The following VAV2 variants were observed in gnomAD, a reference collection of about 807,000 sequenced individuals.
The protein encoded by VAV2 is guanine nucleotide exchange factor VAV2.
In VAV2, 67 loss-of-function variants were observed where a neutral mutation model predicts 132.5. The observed-to-expected ratio is 0.51, with a 90% CI of 0.42 to 0.62. VAV2 has a LOEUF of 0.62. Ranked by LOEUF, VAV2 falls within the 20% of genes least tolerant of loss-of-function variation. VAV2 has a pLI of 0.00. For missense variants in VAV2, 938 were observed against 1,153.6 expected (o/e 0.81, Z 2.71); for synonymous variants, 492 against 443.5 (o/e 1.11, Z -1.37).
At chr9:133,786,544 C>T (rs1834233982) in intron 16 of VAV2, among the ~76,000 whole-genome samples, 1 of 152,236 alleles carries the variant, frequency 6.6e-6, no homozygotes, top group Non-Finnish European at 1.5e-5. Flanking sequence ...GGCCCCTCCA[C>T]GAGGCCTGAC....
At chr9:133,867,184 A>G (rs920675136) in intron 2 of VAV2, among the ~76,000 whole-genome samples, 2 of 146,320 alleles carry the variant, frequency 1.4e-5, no homozygotes, top group Admixed American at 6.7e-5. Flanking sequence ...GCGTCTGTCC[A>G]CATAGGGTCC....
intron 1 of VAV2, among the ~76,000 whole-genome samples, chr9:133,951,065 C>T (rs919359769): frequency 2.0e-5 from 3 of 152,220 alleles, no homozygotes; most frequent in African/African-American, 2.4e-5. Flanking sequence ...TTATCCCTTC[C>T]TGCTGGGCTA....
rs1037285396 is a variant in VAV2, at chr9:133,833,517, C to A, written c.449+755G>T. On this transcript the variant is annotated intron_variant, in intron 4 of 29. Transcript: ENST00000371850. The surrounding 1 kb of genome is among the most constrained non-coding windows in gnomAD (Gnocchi z 5.6). ...CCCGAAGGCACCATCTCCCGGTGGC[C>A]TGGGAGGGTGGTGGATGAGCCAGGC... 1.3e-5 allele frequency among the ~76,000 whole-genome samples: 2 copies of A among 152,168 alleles called. No individual in the cohort carries two copies. Among genetic ancestry groups the A allele is most frequent in the African/African-American group, 4.8e-5 (2 of 41,448 alleles).
intron 1 of VAV2, among the ~76,000 whole-genome samples, chr9:133,945,679 AG>A (rs1311651792): frequency 6.6e-6 from 1 of 152,170 alleles, no homozygotes; most frequent in African/African-American, 2.4e-5. Flanking sequence ...CTGCAGGGAA[AG>A]CCCCAAGCTG....
At position 133,992,199 on chromosome 9, in the gene VAV2, G is replaced by A. The variant is rs1177442941; in HGVS notation, c.80C>T (p.Ser27Leu). The change falls in exon 1 of 30, where the codon TCG becomes TTG. Residue 27 changes from serine (S) to leucine (L), a missense_variant. Transcript: ENST00000371850. The surrounding 1 kb of genome is among the most constrained non-coding windows in gnomAD (Gnocchi z 5.5). ...CTGCGCCAGGTCGAAGACCACGGCCGAGGGCCACACCACCCGGTGGTTGGG... is the reference window on the plus strand; with the variant it reads ...CTGCGCCAGGTCGAAGACCACGGCCAAGGGCCACACCACCCGGTGGTTGGG... ...LPPNHRVVWP[S>L]AVVFDLAQAL... 3 of 1,597,734 alleles carry A rather than the reference G, an allele frequency of 1.9e-6. No individual in the cohort carries two copies. Among genetic ancestry groups the A allele is most frequent in the South Asian group, 2.2e-5 (2 of 89,394 alleles).
intron 3 of VAV2, among the ~76,000 whole-genome samples, chr9:133,856,683 C>T (rs559262650): frequency 3.9e-5 from 6 of 152,252 alleles, no homozygotes; most frequent in African/African-American, 1.2e-4. Context: ...TAGGGGCTGG[C>T]GTCAAGGTAT....
chr9:133,764,069 A>C lies in VAV2; in HGVS notation c.2630T>G (p.Ile877Ser), dbSNP rs748565136. ...FPSTYVEEEG[I>S]Q The stretch of plus-strand genomic sequence containing the variant: ...TTGTCCACGTTCCTGCCGTCACTGG[A>C]TGCCCTCCTCTTCTACGTACGTTGA... Residue 877 changes from isoleucine to serine, a missense_variant, in exon 30 of 30, where the codon ATC becomes AGC. By Grantham distance (142) the Ile-to-Ser change is moderately radical. Transcript: ENST00000371850. The C allele has an allele frequency of 6.2e-7, 1 of 1,613,982 alleles. No individual in the cohort carries two copies. Among genetic ancestry groups the C allele is most frequent in the East Asian group, 2.2e-5 (1 of 44,872 alleles).
At chr9:133,968,102 A>G (rs1287434554) in intron 1 of VAV2, among the ~76,000 whole-genome samples, 1 of 152,154 alleles carries the variant, frequency 6.6e-6, no homozygotes, top group Non-Finnish European at 1.5e-5. Context: ...CAAACATGCA[A>G]TTAGACAGGA....
chr9:133,779,945 A>G lies in VAV2; in HGVS notation c.1741-6T>C. Reference sequence around the variant, plus strand: ...GGTCCCGCTCCGGAGGCGTCCTGTGAGGACAAGGACAGAACACAGAGATGA... The same window carrying G: ...GGTCCCGCTCCGGAGGCGTCCTGTGGGGACAAGGACAGAACACAGAGATGA... On this transcript the variant is annotated splice_region_variant and splice_polypyrimidine_tract_variant and intron_variant, in intron 20 of 29. Transcript: ENST00000371850. The G allele has an allele frequency of 6.2e-7, 1 of 1,612,544 alleles. No individual in the cohort carries two copies. The highest frequency in any genetic ancestry group is 1.1e-5 in the South Asian group (1 of 90,912).
At chr9:133,979,771 G>A (rs922663791) in intron 1 of VAV2, among the ~76,000 whole-genome samples, 3 of 152,220 alleles carry the variant, frequency 2.0e-5, no homozygotes, top group African/African-American at 7.2e-5. Context: ...TCACTCAGCT[G>A]AAACGGCATT....
chr9:133,910,010 G>A (rs1443245995), intron 2 of VAV2, among the ~76,000 whole-genome samples: 1 of 152,068 alleles, frequency 6.6e-6, no homozygotes, highest in South Asian at 2.1e-4. Context: ...CGAGCCACAC[G>A]AGCTATGCCA....
chr9:133,835,729 C>G (rs1411342137), intron 3 of VAV2, among the ~76,000 whole-genome samples: 1 of 152,180 alleles, frequency 6.6e-6, no homozygotes, highest in East Asian at 1.9e-4. Flanking sequence ...GTCCCGGCAG[C>G]CCCGCCCCAA....
chr9:133,889,972 C>T (rs1838866022), intron 2 of VAV2, among the ~76,000 whole-genome samples: 1 of 152,212 alleles, frequency 6.6e-6, no homozygotes, highest in Admixed American at 6.5e-5. Context: ...CCACGAATTA[C>T]TGTCTCTGCA....
intron 3 of VAV2, among the ~76,000 whole-genome samples, chr9:133,845,971 G>C (rs1272878267): frequency 6.6e-6 from 1 of 152,216 alleles, no homozygotes. Flanking sequence ...GTGGAGTCTT[G>C]GAGCAGGGTT....
chr9:133,968,686 G>A (rs924930613), intron 1 of VAV2, among the ~76,000 whole-genome samples: 3 of 152,140 alleles, frequency 2.0e-5, no homozygotes, highest in Non-Finnish European at 4.4e-5. Flanking sequence ...TTGTAGCCGG[G>A]AGAGAGAGCC....
chr9:133,886,974 G>A (rs569721864), intron 2 of VAV2, among the ~76,000 whole-genome samples: 2 of 152,212 alleles, frequency 1.3e-5, no homozygotes, highest in South Asian at 2.1e-4. Context: ...TCCCATGGGG[G>A]AGGGAAGCCA....
chr9:133,989,333 C>A (rs1328529991), intron 1 of VAV2, among the ~76,000 whole-genome samples: 3 of 124,630 alleles, frequency 2.4e-5, no homozygotes, highest in African/African-American at 9.2e-5. Context: ...GAGCAAAACT[C>A]CATCTCAAAA....
In VAV2 at chr9:133,769,827, C is replaced by T. The variant is rs768352028; in HGVS notation, c.2348-324G>A. 1.3e-5 allele frequency among the ~76,000 whole-genome samples: 2 copies of T among 152,194 alleles called. No homozygotes were observed. Among genetic ancestry groups the T allele is most frequent in the Non-Finnish European group, 2.9e-5 (2 of 68,016 alleles). On this transcript the variant is annotated intron_variant, in intron 27 of 29. Coordinates refer to ENST00000371850, the MANE Select transcript of VAV2 (RefSeq NM_001134398.2). The surrounding 1 kb of genome is among the most constrained non-coding windows in gnomAD (Gnocchi z 8.1). ...CCAGCTGTTCCTCTCCTGTCCAGCTCGGCCTGTGTGAGACCCATGGCCCTG... is the reference window on the plus strand; with the variant it reads ...CCAGCTGTTCCTCTCCTGTCCAGCTTGGCCTGTGTGAGACCCATGGCCCTG...
intron 1 of VAV2, among the ~76,000 whole-genome samples, chr9:133,978,611 T>G (rs763338107): frequency 6.6e-6 from 1 of 152,204 alleles, no homozygotes; most frequent in Non-Finnish European, 1.5e-5. Context: ...GAATGATTTG[T>G]CTTCATCCTT....
Sources: allele counts gnomAD v4.1 joint callset (sites outside exome capture counted in the v4.1 genomes callset), GRCh38; gene constraint gnomAD v4.1.1; non-coding constraint Gnocchi (gnomAD v3.1); transcripts MANE v1.5; gene names NCBI Gene and HGNC (gene_info 2026-07-23, HGNC 2026-07-21).